Variants in SUPT3H observed in about 807,000 individuals in gnomAD.
SUPT3H encodes the protein transcription initiation protein SPT3 homolog.
Under a neutral mutation model 44.3 loss-of-function variants are expected in SUPT3H, and 44 were observed. That is an observed-to-expected ratio of 0.99 (90% CI 0.78 to 1.28). SUPT3H has a LOEUF of 1.28. Among genes scored for constraint, SUPT3H ranks in the 50% most tolerant of loss-of-function variants. The pLI, the probability that SUPT3H is intolerant of heterozygous loss-of-function variation, is 0.00. For missense variants in SUPT3H, 380 were observed against 387.1 expected (o/e 0.98, Z 0.15); for synonymous variants, 124 against 125.6 (o/e 0.99, Z 0.09).
rs532611426 is a variant in SUPT3H at position 44,868,502 on chromosome 6, C to T, written c.913-38645G>A. Among the ~76,000 whole-genome samples, 14 of 152,212 alleles carry T rather than the reference C, an allele frequency of 9.2e-5. No homozygotes were observed. In the East Asian group the frequency reaches 1.9e-3, roughly 21 times the overall value. Reference sequence around the variant, plus strand: ...GCTTCTGTGACAAGGTAGTCATCTGCGAGTATATGGCTTTCTCTGCTTAGG... The same window carrying T: ...GCTTCTGTGACAAGGTAGTCATCTGTGAGTATATGGCTTTCTCTGCTTAGG... On this transcript the variant is annotated intron_variant, in intron 10 of 10. Coordinates refer to ENST00000371459, the MANE Select transcript of SUPT3H (RefSeq NM_003599.4).
intron 2 of SUPT3H, among the ~76,000 whole-genome samples, chr6:45,170,717 C>T (rs1375224993): frequency 6.9e-6 from 1 of 145,530 alleles, no homozygotes; most frequent in Non-Finnish European, 1.5e-5. Context: ...GTGAATATGG[C>T]AATTGGCTTT....
rs148867617 is a variant in SUPT3H at position 45,369,263 on chromosome 6, TTCTC to T, written c.1-3966_1-3963del. On this transcript the variant is annotated intron_variant, in intron 1 of 10. Coordinates refer to ENST00000371459, the MANE Select transcript of SUPT3H (RefSeq NM_003599.4). Reference sequence around the variant, plus strand: ...TTCTTTTGAACCTTTACCCCTACAGTTCTCTCTACTTGCAATACCTTTTGAAACA... The same window carrying T: ...TTCTTTTGAACCTTTACCCCTACAGTTCTACTTGCAATACCTTTTGAAACA... 9.9e-5 allele frequency among the ~76,000 whole-genome samples: 15 copies of T among 152,200 alleles called. No individual in the cohort carries two copies. In the East Asian group the frequency reaches 1.2e-3, roughly 12 times the overall value.
At chr6:45,109,376 C>T (rs1388528461) in intron 2 of SUPT3H, among the ~76,000 whole-genome samples, 1 of 152,014 alleles carries the variant, frequency 6.6e-6, no homozygotes, top group Non-Finnish European at 1.5e-5. Context: ...GTTATCAACG[C>T]TAAATAATTG....
rs1488615204 is a variant in SUPT3H, at chr6:44,828,930, C to A, written c.*886G>T. 1 of 152,618 alleles carries A rather than the reference C, an allele frequency of 6.6e-6. No individual in the cohort carries two copies. The highest frequency in any genetic ancestry group is 1.5e-5 in the Non-Finnish European group (1 of 68,040). The allele number at this position is 152,618 out of a possible 1,614,324, so 9.5% of individuals were successfully genotyped here. Reference sequence around the variant, plus strand: ...TTTGTTCCAAAGAGTTACGGTTCCTCATTTACTGGAGAAAGTATAGATGCC... The same window carrying A: ...TTTGTTCCAAAGAGTTACGGTTCCTAATTTACTGGAGAAAGTATAGATGCC... On this transcript the variant is annotated 3_prime_UTR_variant, in exon 11 of 11. Coordinates refer to ENST00000371459, the MANE Select transcript of SUPT3H (RefSeq NM_003599.4).
intron 2 of SUPT3H, among the ~76,000 whole-genome samples, chr6:45,137,786 T>C (rs1007029597): frequency 1.3e-5 from 2 of 151,922 alleles, no homozygotes; most frequent in Non-Finnish European, 2.9e-5. Flanking sequence ...AATTCAACCA[T>C]GACAATAATC....
At chr6:45,087,196 G>A (rs1796578356) in intron 3 of SUPT3H, among the ~76,000 whole-genome samples, 1 of 151,846 alleles carries the variant, frequency 6.6e-6, no homozygotes, top group Admixed American at 6.6e-5. Flanking sequence ...TTAAAGTGCA[G>A]AACTACTATA....
At position 45,348,784 on chromosome 6, in the gene SUPT3H, A is replaced by G. The variant is rs374306488; in HGVS notation, c.101+16417T>C. Among the ~76,000 whole-genome samples the G allele has an allele frequency of 5.9e-5, 9 of 152,212 alleles. No homozygotes were observed. In the East Asian group the frequency reaches 1.5e-3, roughly 26 times the overall value. On this transcript the variant is annotated intron_variant, in intron 2 of 10. Coordinates refer to ENST00000371459, the MANE Select transcript of SUPT3H (RefSeq NM_003599.4). ...CATTACCTATTTAGTGATGGAAGTG[A>G]TATTTCCTCTTCCCACAACTCTGTG...
rs542561873 is a variant in SUPT3H at position 45,041,165 on chromosome 6, G to GAATA, written c.187-20537_187-20534dup. 2.5e-3 allele frequency among the ~76,000 whole-genome samples: 384 copies of GAATA among 151,836 alleles called. 2 individuals carry two copies. Among genetic ancestry groups the GAATA allele is most frequent in the African/African-American group, 7.9e-3 (325 of 41,392 alleles). ...TTCAAGGGGCTTCCATTACGTTAGG[G>GAATA]AATAAATAAATAAATAAATGAAATA... On this transcript the variant is annotated intron_variant, in intron 3 of 10. Coordinates refer to ENST00000371459, the MANE Select transcript of SUPT3H (RefSeq NM_003599.4).
At chr6:45,282,687 C>G (rs893966577) in intron 2 of SUPT3H, among the ~76,000 whole-genome samples, 2 of 152,100 alleles carry the variant, frequency 1.3e-5, no homozygotes, top group Non-Finnish European at 2.9e-5. Context: ...AAGAACTTCC[C>G]CAATCTAGCA....
intron 10 of SUPT3H, among the ~76,000 whole-genome samples, chr6:44,919,353 T>C (rs192942431): frequency 2.0e-4 from 31 of 152,302 alleles, no homozygotes; most frequent in African/African-American, 7.0e-4. Context: ...ATGACCAAAT[T>C]CATTAACGGT....
At chr6:45,062,925 G>C (rs1792420358) in intron 3 of SUPT3H, among the ~76,000 whole-genome samples, 1 of 151,948 alleles carries the variant, frequency 6.6e-6, no homozygotes, top group Non-Finnish European at 1.5e-5. Context: ...GGTAAACAAA[G>C]CAGAAAGGAA....
chr6:44,846,850 A>G (rs1771963290), intron 10 of SUPT3H, among the ~76,000 whole-genome samples: 1 of 152,054 alleles, frequency 6.6e-6, no homozygotes, highest in Admixed American at 6.6e-5. Context: ...GGCTGGTCTC[A>G]AACTCTTGAC....
intron 2 of SUPT3H, among the ~76,000 whole-genome samples, chr6:45,161,798 A>C (rs770945550): frequency 3.3e-5 from 5 of 152,180 alleles, no homozygotes; most frequent in Non-Finnish European, 5.9e-5. Flanking sequence ...ACACAAGTAG[A>C]CATTTTATTT....
intron 1 of SUPT3H, among the ~76,000 whole-genome samples, chr6:45,367,823 T>C (rs528936816): frequency 6.6e-6 from 1 of 152,302 alleles, no homozygotes; most frequent in South Asian, 2.1e-4. Context: ...ATAACCATGA[T>C]CATCCTTTCA....
intron 10 of SUPT3H, among the ~76,000 whole-genome samples, chr6:44,928,467 G>A (rs1458350777): frequency 6.6e-6 from 1 of 152,154 alleles, no homozygotes; most frequent in African/African-American, 2.4e-5. Flanking sequence ...GAAGCTAGGG[G>A]TTGGAAGGCC....
At chr6:45,374,054 C>T (rs1796451269) in intron 1 of SUPT3H, among the ~76,000 whole-genome samples, 1 of 152,140 alleles carries the variant, frequency 6.6e-6, no homozygotes, top group Non-Finnish European at 1.5e-5. Flanking sequence ...AAATGTAATT[C>T]TCATTTGATG....
At chr6:45,056,518 C>T (rs1254060045) in intron 3 of SUPT3H, among the ~76,000 whole-genome samples, 1 of 152,124 alleles carries the variant, frequency 6.6e-6, no homozygotes, top group Non-Finnish European at 1.5e-5. Context: ...CAAAATAATG[C>T]AGCATTTGCA....
chr6:45,122,010 TA>T (rs1801750719), intron 2 of SUPT3H, among the ~76,000 whole-genome samples: 1 of 149,806 alleles, frequency 6.7e-6, no homozygotes, highest in Admixed American at 6.7e-5. Flanking sequence ...TAAAGAAAGT[TA>T]AGTGAAAGAT....
At chr6:45,225,218 G>T (rs1217834758) in intron 2 of SUPT3H, among the ~76,000 whole-genome samples, 2 of 149,826 alleles carry the variant, frequency 1.3e-5, no homozygotes, top group Non-Finnish European at 3.0e-5. Flanking sequence ...GGTGGAGGTT[G>T]CAATGAGCCA....
Sources: gnomAD v4.1 joint callset for allele counts (sites outside exome capture counted in the v4.1 genomes callset) on GRCh38, gnomAD v4.1.1 for gene constraint, MANE v1.5 for transcripts, NCBI Gene and HGNC (gene_info 2026-07-23, HGNC 2026-07-21) for gene names.